Variants in CFAP61 observed in about 807,000 individuals in gnomAD.
CFAP61 encodes cilia and flagella associated protein 61.
CFAP61 carries 107 observed loss-of-function variants against 135.6 expected under a neutral mutation model. That is an observed-to-expected ratio of 0.79 (90% CI 0.67 to 0.93). The LOEUF (loss-of-function observed/expected upper bound fraction) is 0.93. Ranked by LOEUF, CFAP61 falls within the 40% of genes least tolerant of loss-of-function variation. CFAP61 has a pLI of 0.00. For synonymous variants in CFAP61, 575 were observed against 578.5 expected (o/e 0.99, Z 0.09); for missense variants, 1,507 against 1,556.2 (o/e 0.97, Z 0.53).
At chr20:20,098,505 G>A in intron 7 of CFAP61, 150 bp from the exon 8 acceptor site, 1 of 637,552 alleles carries the variant, frequency 1.6e-6, no homozygotes, top group South Asian at 2.6e-5. Context: ...AGCTCTGCGG[G>A]AGGCTGGGGA....
rs759329832 is a variant in CFAP61 at position 20,196,557 on chromosome 20, G to C, written c.1591-13G>C. 2.0e-5 allele frequency: 32 copies of C among 1,591,952 alleles called. No homozygotes were observed. The highest frequency in any genetic ancestry group is 1.7e-4 in the Middle Eastern group (1 of 6,038). On this transcript the variant is annotated splice_polypyrimidine_tract_variant and intron_variant, in intron 15 of 26. Transcript: ENST00000245957. ...AATGCTTGTAGAAACCATCCCTTCT[G>C]TCTCTTCTGTAGGACATTGAGTACA...
At position 20,059,764 on chromosome 20, in the gene CFAP61, A is replaced by G. The variant is rs114578964; in HGVS notation, c.143+2968A>G. ...AAACATCCTTCATAGACACAGTTGA[A>G]GACAGAAGTAATGAGCTGGAGGATC... On this transcript the variant is annotated intron_variant, in intron 2 of 26. Transcript: ENST00000245957. Among the ~76,000 whole-genome samples, 631 of 152,350 alleles carry G rather than the reference A, an allele frequency of 4.1e-3. 1 individual carries two copies. The highest frequency in any genetic ancestry group is 0.015 in the African/African-American group (612 of 41,594).
chr20:20,113,936 G>A (rs1420359093), intron 8 of CFAP61, among the ~76,000 whole-genome samples: 1 of 120,194 alleles, frequency 8.3e-6, no homozygotes, highest in Non-Finnish European at 1.6e-5. Context: ...ATTCTTAGTT[G>A]TCTAATTTTT....
intron 10 of CFAP61, among the ~76,000 whole-genome samples, chr20:20,159,724 ATC>A (rs2053240403): frequency 6.6e-6 from 1 of 152,242 alleles, no homozygotes. Flanking sequence ...AATACAGCTT[ATC>A]TCTCCTTCCC....
chr20:20,070,188 T>TA (rs2045604697), intron 2 of CFAP61, among the ~76,000 whole-genome samples: 1 of 152,184 alleles, frequency 6.6e-6, no homozygotes, highest in Non-Finnish European at 1.5e-5. Context: ...CTTCGCTTTA[T>TA]TAACTCACTG....
intron 25 of CFAP61, among the ~76,000 whole-genome samples, chr20:20,316,109 A>T (rs2057122878): frequency 6.6e-6 from 1 of 151,704 alleles, no homozygotes; most frequent in African/African-American, 2.4e-5. Flanking sequence ...GATGGCATTG[A>T]ATCTGTAAAT....
chr20:20,208,435 A>G (rs775396001), intron 17 of CFAP61, among the ~76,000 whole-genome samples: 1 of 152,200 alleles, frequency 6.6e-6, no homozygotes, highest in Non-Finnish European at 1.5e-5. Flanking sequence ...GACTCCCCTG[A>G]CCCGCTGCTG....
intron 8 of CFAP61, among the ~76,000 whole-genome samples, chr20:20,140,392 G>A (rs1177304793): frequency 2.3e-5 from 3 of 128,842 alleles, no homozygotes; most frequent in African/African-American, 9.2e-5. Flanking sequence ...CCCTTCCTGT[G>A]TCCATGTGTT....
In CFAP61 at chr20:20,145,194, C is replaced by T. The variant is rs563276253; in HGVS notation, c.951+2246C>T. Among the ~76,000 whole-genome samples, 100 of 152,112 alleles carry T rather than the reference C, an allele frequency of 6.6e-4. 1 individual carries two copies. Among genetic ancestry groups the T allele is most frequent in the African/African-American group, 2.3e-3 (96 of 41,504 alleles). ...ATAGTGACTTCACAAACAAAAATAG[C>T]GCCGGGTTTATAACATATGTAAAAA... On this transcript the variant is annotated intron_variant, in intron 9 of 26. Coordinates refer to ENST00000245957, the MANE Select transcript of CFAP61 (RefSeq NM_015585.4).
chr20:20,319,343 CA>C (rs1414979065), intron 25 of CFAP61, among the ~76,000 whole-genome samples: 13 of 152,180 alleles, frequency 8.5e-5, no homozygotes, highest in African/African-American at 3.1e-4. Flanking sequence ...GAAATAATTC[CA>C]AACAATAATT....
At chr20:20,330,038 A>C (rs1189537782) in intron 25 of CFAP61, among the ~76,000 whole-genome samples, 1 of 152,218 alleles carries the variant, frequency 6.6e-6, no homozygotes. Context: ...GGAGGCGGTC[A>C]ACAGACTCAC....
chr20:20,298,000 A>G (rs185398906), intron 24 of CFAP61, among the ~76,000 whole-genome samples, 181 bp from the exon 25 acceptor site: 4 of 152,326 alleles, frequency 2.6e-5, no homozygotes, highest in East Asian at 3.9e-4. Context: ...GAGTCCAAGT[A>G]TGTGGTTTCT....
At chr20:20,183,226 C>T (rs2055251059) in intron 13 of CFAP61, among the ~76,000 whole-genome samples, 1 of 151,920 alleles carries the variant, frequency 6.6e-6, no homozygotes, top group South Asian at 2.1e-4. Context: ...ACGACTTCGA[C>T]TCACTGCAAC....
intron 20 of CFAP61, among the ~76,000 whole-genome samples, chr20:20,254,841 T>C (rs2051395089): frequency 6.6e-6 from 1 of 152,238 alleles, no homozygotes; most frequent in Admixed American, 6.5e-5. Context: ...TGTTGTGTAA[T>C]GTTTTTAATA....
intron 6 of CFAP61, chr20:20,085,381 C>T (rs915606432): frequency 1.5e-4 from 207 of 1,345,098 alleles, no homozygotes; most frequent in Non-Finnish European, 1.9e-4. Context: ...AGCACTCGGG[C>T]TGATGCAAGA....
intron 18 of CFAP61, among the ~76,000 whole-genome samples, chr20:20,241,756 T>A (rs1481475975): frequency 6.6e-6 from 1 of 152,168 alleles, no homozygotes; most frequent in South Asian, 2.1e-4. Flanking sequence ...AAAGCTGGGG[T>A]AAATTTTAAC....
chr20:20,167,345 AC>A (rs1321581014), intron 12 of CFAP61, among the ~76,000 whole-genome samples: 1 of 152,222 alleles, frequency 6.6e-6, no homozygotes, highest in East Asian at 1.9e-4. Flanking sequence ...TTATTAAGGC[AC>A]TTTCCAAACA....
chr20:20,085,765 G>C (rs188762217), intron 6 of CFAP61, among the ~76,000 whole-genome samples: 2 of 152,212 alleles, frequency 1.3e-5, no homozygotes, highest in Admixed American at 1.3e-4. Flanking sequence ...TAAAATGTCT[G>C]TTAATAAATA....
chr20:20,200,341 G>T (rs184566413), intron 17 of CFAP61, among the ~76,000 whole-genome samples: 1 of 152,188 alleles, frequency 6.6e-6, no homozygotes, highest in Admixed American at 6.5e-5. Flanking sequence ...TGGGCCCCGG[G>T]TCCTAAGCTG....
Sources: gnomAD v4.1 joint callset for allele counts (sites outside exome capture counted in the v4.1 genomes callset) on GRCh38, gnomAD v4.1.1 for gene constraint, MANE v1.5 for transcripts, NCBI Gene and HGNC (gene_info 2026-07-23, HGNC 2026-07-21) for gene names.